The following SNX29 variants were observed in gnomAD, a reference collection of about 807,000 sequenced individuals.
The protein encoded by SNX29 is sorting nexin-29.
In SNX29, 78 loss-of-function variants were observed where a neutral mutation model predicts 102.1. That is an observed-to-expected ratio of 0.76 (90% CI 0.64 to 0.92). SNX29 has a LOEUF of 0.92. SNX29 is among the 40% of genes least tolerant of loss of function. The pLI is 0.00. For missense variants in SNX29, 1,280 were observed against 1,061.7 expected, an observed-to-expected ratio of 1.21 and a Z score of -2.86; for synonymous variants, 580 against 414.5, an observed-to-expected ratio of 1.40 and a Z score of -4.85.
rs556723833 is a variant in SNX29 at position 12,041,841 on chromosome 16, C to A, written c.248-1056C>A. ...AGGTAATATTCAGAGAATTCTGGAG[C>A]TTAGGACGTCGATATGTTTGAGGAT... On this transcript the variant is annotated intron_variant, in intron 4 of 20. Coordinates refer to ENST00000566228, the MANE Select transcript of SNX29 (RefSeq NM_032167.5). Among the ~76,000 whole-genome samples the A allele has an allele frequency of 7.6e-4, 115 of 152,230 alleles. 1 individual carries two copies. The highest frequency in any genetic ancestry group is 6.0e-3 in the Admixed American group (92 of 15,282).
chr16:12,276,366 G>A (rs571041544), intron 14 of SNX29, among the ~76,000 whole-genome samples: 10 of 152,248 alleles, frequency 6.6e-5, no homozygotes, highest in East Asian at 3.9e-4. Context: ...TTCTTTCTGC[G>A]TGTTTCCTGC....
chr16:12,559,526 A>G (rs1191074034), intron 20 of SNX29, among the ~76,000 whole-genome samples: 1 of 151,974 alleles, frequency 6.6e-6, no homozygotes, highest in Non-Finnish European at 1.5e-5. Flanking sequence ...TTGTATCTCA[A>G]AAGCATCCCC....
intron 16 of SNX29, among the ~76,000 whole-genome samples, chr16:12,385,046 T>G (rs2083296808): frequency 6.6e-6 from 1 of 152,214 alleles, no homozygotes. Flanking sequence ...GGCGCACGCC[T>G]ATAGTACTAG....
intron 20 of SNX29, among the ~76,000 whole-genome samples, chr16:12,537,983 TCAAAAAAAA>T (rs2077151970): frequency 1.3e-5 from 1 of 75,188 alleles, no homozygotes; most frequent in Non-Finnish European, 2.3e-5. Flanking sequence ...AAACTCCGTT[TCAAAAAAAA>T]AAAAAAAAAA....
chr16:12,018,957 A>T (rs1311956552), intron 3 of SNX29, among the ~76,000 whole-genome samples: 1 of 150,828 alleles, frequency 6.6e-6, no homozygotes. Context: ...CTTTTTGTAG[A>T]TCTGTTTTTT....
chr16:12,197,418 A>G (rs973549498), intron 13 of SNX29, among the ~76,000 whole-genome samples: 3 of 152,068 alleles, frequency 2.0e-5, no homozygotes, highest in South Asian at 4.2e-4. Context: ...TAAAAATAAA[A>G]AAATTAGCCG....
chr16:11,983,714 A>G lies in SNX29; in HGVS notation c.7+6901A>G, dbSNP rs541897371. The G allele has an allele frequency of 4.2e-4, 409 of 985,216 alleles. 2 individuals carry two copies. The African/African-American group carries it at 6.7e-3, about 16-fold the overall frequency. 61.0% of individuals were successfully genotyped at this position (985,216 alleles called of 1,614,324 possible). On this transcript the variant is annotated intron_variant, in intron 1 of 20. Coordinates refer to ENST00000566228, the MANE Select transcript of SNX29 (RefSeq NM_032167.5). Reference sequence around the variant, plus strand: ...CCTCCTGGTTGCTTGACTCCAGGTAACTGATAGGAACTCAAATGCTTAGAG... The same window carrying G: ...CCTCCTGGTTGCTTGACTCCAGGTAGCTGATAGGAACTCAAATGCTTAGAG...
intron 13 of SNX29, among the ~76,000 whole-genome samples, chr16:12,186,424 A>G (rs891744644): frequency 2.0e-5 from 3 of 152,244 alleles, no homozygotes; most frequent in Non-Finnish European, 4.4e-5. Flanking sequence ...AGTTGCAAAC[A>G]TCATGACCAT....
intron 18 of SNX29, among the ~76,000 whole-genome samples, chr16:12,416,515 A>G (rs2084643979): frequency 6.6e-6 from 1 of 152,182 alleles, no homozygotes; most frequent in African/African-American, 2.4e-5. Context: ...GTAGCAAAAC[A>G]CCACATCATG....
intron 10 of SNX29, among the ~76,000 whole-genome samples, chr16:12,072,621 A>G (rs2051355446): frequency 6.6e-6 from 1 of 152,224 alleles, no homozygotes; most frequent in African/African-American, 2.4e-5. Flanking sequence ...ATATTGGTCT[A>G]AAATTCTCTT....
chr16:12,389,138 C>T (rs532110352), intron 16 of SNX29, among the ~76,000 whole-genome samples: 10 of 152,236 alleles, frequency 6.6e-5, no homozygotes, highest in Non-Finnish European at 8.8e-5. Flanking sequence ...AACACTAGCG[C>T]GAGCCAGTTC....
chr16:12,394,459 G>A (rs376859647), intron 16 of SNX29, among the ~76,000 whole-genome samples: 1 of 152,206 alleles, frequency 6.6e-6, no homozygotes, highest in Non-Finnish European at 1.5e-5. Context: ...ATATGTCTCT[G>A]TATGTGAAAC....
chr16:12,432,416 C>A (rs186019359), intron 18 of SNX29, among the ~76,000 whole-genome samples: 225 of 152,260 alleles, frequency 1.5e-3, no homozygotes, highest in Admixed American at 3.3e-3. Flanking sequence ...CTGTAGAAGT[C>A]CAGGGTTTGG....
At chr16:12,336,312 A>G (rs1171515911) in intron 15 of SNX29, among the ~76,000 whole-genome samples, 1 of 152,212 alleles carries the variant, frequency 6.6e-6, no homozygotes, top group Non-Finnish European at 1.5e-5. Flanking sequence ...GCGTTGACAC[A>G]GAAGCCGTAA....
intron 11 of SNX29, among the ~76,000 whole-genome samples, chr16:12,106,497 A>G (rs929203882): frequency 1.3e-5 from 2 of 151,284 alleles, no homozygotes; most frequent in African/African-American, 4.9e-5. Context: ...TCTTTTTCAG[A>G]CAGGGCCTTG....
intron 20 of SNX29, among the ~76,000 whole-genome samples, chr16:12,558,483 A>G (rs774247236): frequency 9.2e-5 from 14 of 152,332 alleles, no homozygotes; most frequent in East Asian, 1.9e-4. Flanking sequence ...AAAGTTAAGC[A>G]CAGTGCATCT....
At chr16:12,144,545 C>T (rs1370461595) in intron 13 of SNX29, among the ~76,000 whole-genome samples, 1 of 152,192 alleles carries the variant, frequency 6.6e-6, no homozygotes, top group African/African-American at 2.4e-5. Flanking sequence ...CTCCTTTTTC[C>T]GTTACTGCCT....
At chr16:12,548,491 C>T (rs939189456) in intron 20 of SNX29, among the ~76,000 whole-genome samples, 1 of 152,198 alleles carries the variant, frequency 6.6e-6, no homozygotes, top group Non-Finnish European at 1.5e-5. Context: ...GATGACTAGT[C>T]AGGGTTGTCT....
chr16:12,140,589 GGCTTGTGAC>G (rs1205197767), intron 13 of SNX29, among the ~76,000 whole-genome samples: 1 of 152,100 alleles, frequency 6.6e-6, no homozygotes, highest in Admixed American at 6.5e-5. Context: ...TTCCACAGAG[GGCTTGTGAC>G]GCTTGGATTC....
Sources: allele counts gnomAD v4.1 joint callset (sites outside exome capture counted in the v4.1 genomes callset), GRCh38; gene constraint gnomAD v4.1.1; transcripts MANE v1.5; gene names NCBI Gene and HGNC (gene_info 2026-07-23, HGNC 2026-07-21).